RALGAPA1: variants seen among roughly 807,000 people sequenced by gnomAD.
RALGAPA1 encodes Ral GTPase activating protein catalytic subunit alpha 1, also known as ral GTPase-activating protein subunit alpha-1.
RALGAPA1 carries 52 observed loss-of-function variants against 269.6 expected under a neutral mutation model. The observed-to-expected ratio is 0.19, with a 90% CI of 0.15 to 0.24. The LOEUF is 0.24. Ranked by LOEUF, RALGAPA1 falls within the 10% of genes least tolerant of loss-of-function variation. RALGAPA1 has a pLI of 1.00. For synonymous variants in RALGAPA1, 817 were observed against 1,008.3 expected (o/e 0.81, Z 3.60); for missense variants, 1,917 against 3,013.9 (o/e 0.64, Z 8.52).
In RALGAPA1 at chr14:35,723,269, A is replaced by G. The variant is rs759252893; in HGVS notation, c.1867-5T>C. 32 of 1,473,458 alleles carry G rather than the reference A, an allele frequency of 2.2e-5. No individual in the cohort carries two copies. The highest frequency in any genetic ancestry group is 2.9e-5 in the Non-Finnish European group (31 of 1,061,604). The allele number at this position is 1,473,458 out of a possible 1,614,324, so 91.3% of individuals were successfully genotyped here. A position where few individuals can be genotyped will look rare whatever the true frequency, so the allele number is the denominator to read the frequency against. On this transcript the variant is annotated splice_region_variant and splice_polypyrimidine_tract_variant and intron_variant, in intron 14 of 41. Transcript: ENST00000680220. Reference sequence around the variant, plus strand: ...GATCCAGGCAACTATAAGGGTCTATAAAGACAAATATCAGAAATAACAATA... The same window carrying G: ...GATCCAGGCAACTATAAGGGTCTATGAAGACAAATATCAGAAATAACAATA...
chr14:35,650,715 T>C (rs1002123729), intron 31 of RALGAPA1, among the ~76,000 whole-genome samples: 1 of 152,110 alleles, frequency 6.6e-6, no homozygotes, highest in Non-Finnish European at 1.5e-5. Context: ...AAATAAAACA[T>C]ACTTGAGATT....
chr14:35,698,071 T>C (rs1414842539), intron 17 of RALGAPA1, among the ~76,000 whole-genome samples: 3 of 152,170 alleles, frequency 2.0e-5, no homozygotes, highest in African/African-American at 4.8e-5. Flanking sequence ...TAATCAGATA[T>C]AAAGTTTGTT....
rs7160735 is a variant in RALGAPA1, at chr14:35,748,375, G to A, written c.1251+210C>T. On this transcript the variant is annotated intron_variant, in intron 10 of 41. Coordinates refer to ENST00000680220, the MANE Select transcript of RALGAPA1 (RefSeq NM_001346249.2). ...TAATAATCAGTAATTTCTCTCTCTC[G>A]CTCTTTTTTTTTTTTTTTTTAAGAG... 128,699 of 300,420 alleles carry A rather than the reference G, an allele frequency of 0.43. 31,801 individuals are homozygous for A. Among genetic ancestry groups the A allele is most frequent in the Non-Finnish European group, 0.49 (86,242 of 175,288 alleles). 18.6% of individuals were successfully genotyped at this position (300,420 alleles called of 1,614,324 possible). A position where few individuals can be genotyped will look rare whatever the true frequency, so the allele number is the denominator to read the frequency against.
At chr14:35,563,080 T>C (rs974326656) in intron 39 of RALGAPA1, among the ~76,000 whole-genome samples, 5 of 93,346 alleles carry the variant, frequency 5.4e-5, no homozygotes, top group Admixed American at 4.9e-4. Flanking sequence ...TTCAAAAAGA[T>C]AGATAATAAA....
rs759020138 is a variant in RALGAPA1 at position 35,674,155 on chromosome 14, C to G, written c.4917+25G>C. 4.0e-6 allele frequency: 6 copies of G among 1,511,142 alleles called. No individual in the cohort carries two copies. In the South Asian group the frequency reaches 7.1e-5, roughly 18 times the overall value. 93.6% of individuals were successfully genotyped at this position (1,511,142 alleles called of 1,614,324 possible). A position where few individuals can be genotyped will look rare whatever the true frequency, so the allele number is the denominator to read the frequency against. On this transcript the variant is annotated intron_variant, in intron 24 of 41. Coordinates refer to ENST00000680220, the MANE Select transcript of RALGAPA1 (RefSeq NM_001346249.2). Reference sequence around the variant, plus strand: ...GATTTAGTAAATGAGAAGTTTTAAACTAATATTTTATATATTAAGCTTACC... The same window carrying G: ...GATTTAGTAAATGAGAAGTTTTAAAGTAATATTTTATATATTAAGCTTACC...
chr14:35,675,605 ATG>A (rs1179403574), intron 22 of RALGAPA1, among the ~76,000 whole-genome samples: 2 of 152,224 alleles, frequency 1.3e-5, no homozygotes, highest in South Asian at 2.1e-4. Flanking sequence ...GCTACTAATT[ATG>A]TGTTATAAAA....
chr14:35,687,717 G>A (rs1195270285), intron 18 of RALGAPA1, among the ~76,000 whole-genome samples: 3 of 152,122 alleles, frequency 2.0e-5, no homozygotes, highest in African/African-American at 4.8e-5. Context: ...TGTCCATAGA[G>A]GTTCCATATT....
intron 21 of RALGAPA1, among the ~76,000 whole-genome samples, chr14:35,678,715 C>T (rs2065166228): frequency 6.6e-6 from 1 of 152,182 alleles, no homozygotes; most frequent in Non-Finnish European, 1.5e-5. Context: ...TGCCTCCCCA[C>T]AACCCACCTA....
chr14:35,685,963 G>T (rs2065888335), intron 19 of RALGAPA1, among the ~76,000 whole-genome samples: 1 of 152,036 alleles, frequency 6.6e-6, no homozygotes, highest in Non-Finnish European at 1.5e-5. Context: ...AAGAGCTTCT[G>T]CTTTCATGTT....
intron 20 of RALGAPA1, 25 bp downstream of exon 20, chr14:35,684,904 G>A (rs1282524159): frequency 1.2e-6 from 2 of 1,600,246 alleles, no homozygotes; most frequent in African/African-American, 2.7e-5. Context: ...ATAAAACATA[G>A]TATTCAAATA....
intron 31 of RALGAPA1, among the ~76,000 whole-genome samples, chr14:35,650,644 A>G (rs780012470): frequency 7.2e-5 from 11 of 152,214 alleles, no homozygotes; most frequent in African/African-American, 1.4e-4. Flanking sequence ...ATAACTGGGA[A>G]TAGGTCCAGA....
chr14:35,711,585 G>A (rs946027668), intron 16 of RALGAPA1, among the ~76,000 whole-genome samples: 2 of 152,198 alleles, frequency 1.3e-5, no homozygotes, highest in East Asian at 3.9e-4. Context: ...GTAGCCGGGA[G>A]TACAGATGTG....
In RALGAPA1 at chr14:35,676,987, G is replaced by A. The variant is rs1191048665; in HGVS notation, c.4624+963C>T. The A allele has an allele frequency of 2.0e-5, 3 of 152,268 alleles. No homozygotes were observed. The East Asian group carries it at 5.8e-4, about 29-fold the overall frequency. 9.4% of individuals were successfully genotyped at this position (152,268 alleles called of 1,614,324 possible). A position where few individuals can be genotyped will look rare whatever the true frequency, so the allele number is the denominator to read the frequency against. On this transcript the variant is annotated intron_variant, in intron 22 of 41. Coordinates refer to ENST00000680220, the MANE Select transcript of RALGAPA1 (RefSeq NM_001346249.2). The stretch of plus-strand genomic sequence containing the variant: ...ATCAAAGGAGAAAAAGAAAAGGTCA[G>A]AAATAATCCACAAACCAGAAAATTA...
intron 41 of RALGAPA1, chr14:35,542,291 T>C (rs745363526): frequency 3.5e-5 from 10 of 285,200 alleles, no homozygotes; most frequent in Non-Finnish European, 5.4e-5. Flanking sequence ...CAGCCACATG[T>C]AGTTAGCGGC....
At chr14:35,654,246 G>C (rs1329315896) in intron 30 of RALGAPA1, 121 bp downstream of exon 30, 2 of 975,382 alleles carry the variant, frequency 2.1e-6, no homozygotes, top group Non-Finnish European at 2.8e-6. Flanking sequence ...AAAGCATGAT[G>C]GGTAGCCATT....
chr14:35,635,727 AT>A (rs1165981709), intron 31 of RALGAPA1, 129 bp from the exon 32 acceptor site: 1 of 709,878 alleles, frequency 1.4e-6, no homozygotes, highest in South Asian at 4.5e-5. Context: ...CACTATTAAT[AT>A]TTACCCAGAT....
At chr14:35,592,533 C>G (rs193052101) in intron 37 of RALGAPA1, among the ~76,000 whole-genome samples, 70 of 152,278 alleles carry the variant, frequency 4.6e-4, no homozygotes, top group African/African-American at 1.6e-3. Context: ...CTAAGCTAGA[C>G]AGACACCAGA....
At chr14:35,599,347 T>C (rs1659249616) in intron 36 of RALGAPA1, among the ~76,000 whole-genome samples, 1 of 152,210 alleles carries the variant, frequency 6.6e-6, no homozygotes, top group Non-Finnish European at 1.5e-5. Context: ...CTTTCAGTGA[T>C]TGTTTTAGGG....
intron 7 of RALGAPA1, chr14:35,756,422 T>G (rs1263515565): frequency 6.5e-6 from 1 of 154,048 alleles, no homozygotes; most frequent in Non-Finnish European, 1.4e-5. Context: ...ACTTTCTGTC[T>G]TTTTTATTGT....
Sources: allele counts gnomAD v4.1 joint callset (sites outside exome capture counted in the v4.1 genomes callset), GRCh38; gene constraint gnomAD v4.1.1; transcripts MANE v1.5; gene names NCBI Gene and HGNC (gene_info 2026-07-23, HGNC 2026-07-21).